The following RASGRP3 variants were observed in gnomAD, a reference collection of about 807,000 sequenced individuals.
RASGRP3 encodes the protein ras guanyl-releasing protein 3.
Under a neutral mutation model 82.7 loss-of-function variants are expected in RASGRP3, and 54 were observed. That is an observed-to-expected ratio of 0.65 (90% CI 0.52 to 0.82). RASGRP3 has a LOEUF of 0.82. Among genes scored for constraint, RASGRP3 ranks in the 40% least tolerant of loss-of-function variants. The pLI, the probability that RASGRP3 is intolerant of heterozygous loss-of-function variation, is 0.00. For missense variants in RASGRP3, 861 were observed against 828.9 expected (o/e 1.04, Z -0.48); for synonymous variants, 309 against 300.5 (o/e 1.03, Z -0.29).
At chr2:33,515,354 G>T (rs1424064841) in intron 3 of RASGRP3, 148 bp downstream of exon 3, 2 of 712,532 alleles carry the variant, frequency 2.8e-6, no homozygotes, top group Non-Finnish European at 4.8e-6. Context: ...TGTCTCTCCA[G>T]TTTCACTGCC....
chr2:33,524,725 A>C (rs889278171), intron 9 of RASGRP3, among the ~76,000 whole-genome samples, 177 bp downstream of exon 9: 13 of 152,204 alleles, frequency 8.5e-5, no homozygotes, highest in African/African-American at 3.1e-4. Context: ...GTCCACCTGG[A>C]AAAACAGGTT....
chr2:33,484,180 G>T (rs1052904469), intron 1 of RASGRP3, among the ~76,000 whole-genome samples: 1 of 152,142 alleles, frequency 6.6e-6, no homozygotes, highest in Non-Finnish European at 1.5e-5. Context: ...TGCACACATG[G>T]GTTGCTTTTC....
intron 14 of RASGRP3, 139 bp downstream of exon 14, chr2:33,549,890 A>G (rs765963189): frequency 1.2e-4 from 138 of 1,117,788 alleles, no homozygotes; most frequent in Admixed American, 1.8e-4. Flanking sequence ...CTGAAATTGA[A>G]GATTAAACAC....
intron 11 of RASGRP3, among the ~76,000 whole-genome samples, chr2:33,535,879 A>G (rs1256585507): frequency 2.0e-5 from 3 of 152,234 alleles, no homozygotes; most frequent in African/African-American, 7.2e-5. Context: ...GCCATGGTGT[A>G]TTAAGCCCTA....
intron 15 of RASGRP3, among the ~76,000 whole-genome samples, chr2:33,557,031 T>C (rs1676058641): frequency 6.6e-6 from 1 of 151,978 alleles, no homozygotes. Context: ...ATAGATTGAA[T>C]ACATCATTAA....
chr2:33,461,150 G>A lies in RASGRP3; in HGVS notation c.-261+13207G>A, dbSNP rs1666341611. 2.6e-5 allele frequency among the ~76,000 whole-genome samples: 4 copies of A among 152,176 alleles called. No homozygotes were observed. The South Asian group carries it at 8.3e-4, about 31-fold the overall frequency. ...AATCCCTTGCCTCTCAATTTGAGAA[G>A]TTTTACCCCAACCTAAACTTATCTA... is the stretch of plus-strand genomic sequence containing the variant. On this transcript the variant is annotated intron_variant, in intron 2 of 18. Transcript: ENST00000402538.
At chr2:33,463,071 G>A (rs1192852887) in intron 2 of RASGRP3, among the ~76,000 whole-genome samples, 2 of 152,162 alleles carry the variant, frequency 1.3e-5, no homozygotes, top group African/African-American at 2.4e-5. Context: ...ACTCATCTGC[G>A]TTTATAGGAG....
intron 11 of RASGRP3, among the ~76,000 whole-genome samples, chr2:33,537,817 G>C (rs1174666834): frequency 6.6e-6 from 1 of 152,186 alleles, no homozygotes; most frequent in African/African-American, 2.4e-5. Context: ...CTGTGCTTGT[G>C]TTATCCAAGC....
intron 1 of RASGRP3, among the ~76,000 whole-genome samples, chr2:33,440,433 G>A (rs1275185924): frequency 1.3e-5 from 2 of 152,152 alleles, no homozygotes; most frequent in African/African-American, 4.8e-5. Flanking sequence ...CCATGTGTAG[G>A]GGCCAAAGCC....
At chr2:33,464,412 G>A (rs1042778736) in intron 2 of RASGRP3, among the ~76,000 whole-genome samples, 1 of 150,222 alleles carries the variant, frequency 6.7e-6, no homozygotes, top group Admixed American at 6.7e-5. Flanking sequence ...GAACCACCGT[G>A]CCTGGTCTTA....
At chr2:33,519,106 G>T (rs568785383) in intron 4 of RASGRP3, among the ~76,000 whole-genome samples, 8 of 152,196 alleles carry the variant, frequency 5.3e-5, no homozygotes, top group Admixed American at 1.3e-4. Context: ...ACAACAGCAG[G>T]TTTGTTTACA....
chr2:33,525,751 C>T (rs1461190246), intron 9 of RASGRP3, among the ~76,000 whole-genome samples: 1 of 143,944 alleles, frequency 6.9e-6, no homozygotes, highest in African/African-American at 2.6e-5. Context: ...GCAGTGTGTG[C>T]CTGTAGTCCC....
rs760091052 is a variant in RASGRP3 at position 33,520,599 on chromosome 2, T to A, written c.283T>A (p.Leu95Met). 1 of 1,614,048 alleles carries A rather than the reference T, an allele frequency of 6.2e-7. No homozygotes were observed. Among genetic ancestry groups the A allele is most frequent in the Non-Finnish European group, 8.5e-7 (1 of 1,179,884 alleles). ...TGCAGAGTTTAATTTGGATCTTGGT[T>A]TGATTCGTATGACTGAGGAATTTCG... ...FPAEFNLDLG[L>M]IRMTEEFREV... is the part of the protein sequence containing the mutation. Residue 95 changes from leucine (L) to methionine (M), a missense_variant, in exon 6 of 18, where the codon TTG becomes ATG. Physicochemically the swap from Leu to Met is conservative, Grantham distance 15. Coordinates refer to ENST00000403687, the MANE Select transcript of RASGRP3 (RefSeq NM_001139488.2).
intron 4 of RASGRP3, among the ~76,000 whole-genome samples, chr2:33,518,161 A>G (rs780145793): frequency 5.3e-5 from 8 of 152,236 alleles, no homozygotes; most frequent in Non-Finnish European, 8.8e-5. Context: ...TGCAAACATC[A>G]TAGAGTGCAC....
intron 1 of RASGRP3, among the ~76,000 whole-genome samples, chr2:33,478,026 C>T: frequency 6.6e-6 from 1 of 152,146 alleles, no homozygotes; most frequent in East Asian, 1.9e-4. Flanking sequence ...TGAGGGAACA[C>T]TGTTCTCTCC....
At chr2:33,448,375 T>G (rs1402727328) in intron 2 of RASGRP3, among the ~76,000 whole-genome samples, 1 of 152,204 alleles carries the variant, frequency 6.6e-6, no homozygotes, top group Non-Finnish European at 1.5e-5. Context: ...CAGCATTATT[T>G]ATAATAGCTG....
chr2:33,461,973 G>C (rs2150900205), intron 2 of RASGRP3, among the ~76,000 whole-genome samples: 1 of 152,344 alleles, frequency 6.6e-6, no homozygotes, highest in South Asian at 2.1e-4. Flanking sequence ...ACTAAGGCTG[G>C]AAAACAGGAC....
chr2:33,524,069 G>A lies in RASGRP3; in HGVS notation c.690+17G>A, dbSNP rs1258459899. On this transcript the variant is annotated intron_variant, in intron 8 of 17. Transcript: ENST00000403687. ...GTTGCAAAGGTATGTCTGGTAATCA[G>A]ACTGGGTTCTTGAGTTCTAGATGTT... 6.2e-7 allele frequency: 1 copy of A among 1,610,936 alleles called. No homozygotes were observed. The highest frequency in any genetic ancestry group is 1.1e-5 in the South Asian group (1 of 90,722).
At chr2:33,441,363 AG>A (rs1665217266) in intron 1 of RASGRP3, among the ~76,000 whole-genome samples, 1 of 152,158 alleles carries the variant, frequency 6.6e-6, no homozygotes, top group South Asian at 2.1e-4. Context: ...TTTTAGAAAA[AG>A]GTTATGCTGA....
Sources: allele counts gnomAD v4.1 joint callset (sites outside exome capture counted in the v4.1 genomes callset), GRCh38; gene constraint gnomAD v4.1.1; transcripts MANE v1.5; gene names NCBI Gene and HGNC (gene_info 2026-07-23, HGNC 2026-07-21).